NOD2: variants seen among roughly 807,000 people sequenced by gnomAD.
NOD2 encodes the protein nucleotide binding oligomerization domain containing 2.
In NOD2, 86 loss-of-function variants were observed where a neutral mutation model predicts 90.9. The ratio of observed to expected loss-of-function variants is 0.95; its 90% confidence interval spans 0.79 to 1.13. The LOEUF (loss-of-function observed/expected upper bound fraction) is 1.13. Among genes scored for constraint, NOD2 ranks in the 50% most tolerant of loss-of-function variants. The pLI, the probability that NOD2 is intolerant of heterozygous loss-of-function variation, is 0.00. For synonymous variants in NOD2, 581 were observed against 554.6 expected (o/e 1.05, Z -0.67); for missense variants, 1,238 against 1,283.8 (o/e 0.96, Z 0.55).
At chr16:50,700,102 CTT>C (rs1301863498) in intron 2 of NOD2, 148 bp downstream of exon 2, 3 of 705,144 alleles carry the variant, frequency 4.3e-6, no homozygotes, top group Non-Finnish European at 7.5e-6. Context: ...AAAATTTGCT[CTT>C]GACTCTTGGC....
At chr16:50,726,812 C>G (rs1022523581) in intron 10 of NOD2, among the ~76,000 whole-genome samples, 2 of 152,206 alleles carry the variant, frequency 1.3e-5, no homozygotes, top group African/African-American at 4.8e-5. Context: ...CTACATCTTT[C>G]TTTTCCAGGC....
intron 2 of NOD2, 92 bp from the exon 3 acceptor site, chr16:50,707,763 G>C (rs1199295775): frequency 1.1e-6 from 1 of 882,842 alleles, no homozygotes; most frequent in Non-Finnish European, 1.9e-6. Context: ...GGATGGAAGA[G>C]AGATGCTTAT....
Position 50,720,086 on chromosome 16 carries a change from T to G in NOD2, c.2633+78T>G, listed in dbSNP as rs371220165. 16 of 1,377,788 alleles carry G rather than the reference T, an allele frequency of 1.2e-5. No individual in the cohort carries two copies. The East Asian group carries it at 1.6e-4, about 14-fold the overall frequency. 85.3% of individuals were successfully genotyped at this position (1,377,788 alleles called of 1,614,324 possible). ...AGGATTTAGGGGCAGGTGAAACTCT[T>G]CAGCCAGGAGGCCCCAGAGGCAGCC... On this transcript the variant is annotated intron_variant, in intron 7 of 11. Coordinates refer to ENST00000647318, the MANE Select transcript of NOD2 (RefSeq NM_001370466.1).
rs375381162 is a variant in NOD2 at position 50,714,956 on chromosome 16, A to T, written c.2382-1631A>T. ...AAGTTTCACAAAATGACTTCGCTTT[A>T]TGAACTCTGAGACACTCTGCTCTCT... On this transcript the variant is annotated intron_variant, in intron 4 of 11. Coordinates refer to ENST00000647318, the MANE Select transcript of NOD2 (RefSeq NM_001370466.1). Among the ~76,000 whole-genome samples the T allele has an allele frequency of 2.6e-5, 4 of 152,308 alleles. No homozygotes were observed. In the East Asian group the frequency reaches 5.8e-4, roughly 22 times the overall value.
At chr16:50,727,726 G>T in intron 10 of NOD2, 1 of 357,736 alleles carries the variant, frequency 2.8e-6, no homozygotes, top group Non-Finnish European at 5.6e-6. Context: ...GTCGGGTGTT[G>T]TCGTGGAGAA....
rs375690589 is a variant in NOD2, at chr16:50,719,877, T to A, written c.2550-48T>A. On this transcript the variant is annotated intron_variant, in intron 6 of 11. Coordinates refer to ENST00000647318, the MANE Select transcript of NOD2 (RefSeq NM_001370466.1). ...GGCCAGGGCACAGACGGCCCTCCTT[T>A]TCTGCCTGCCGCTGTGTTCTCTCAG... 5.1e-6 allele frequency: 8 copies of A among 1,564,876 alleles called. No individual in the cohort carries two copies. In the African/African-American group the frequency reaches 9.5e-5, roughly 19 times the overall value.
At position 50,699,512 on chromosome 16, in the gene NOD2, C is replaced by A. The variant is rs762072566; in HGVS notation, c.17C>A (p.Ala6Asp). The A allele has an allele frequency of 2.2e-5, 36 of 1,613,644 alleles. No homozygotes were observed. Among genetic ancestry groups the A allele is most frequent in the Non-Finnish European group, 3.1e-5 (36 of 1,180,016 alleles). ...GGTTGTGAAATGTGCTCGCAGGAGG[C>A]TTTTCAGGCACAGAGGAGCCAGCTG... Reference protein sequence around the residue: MCSQEAFQAQRSQLVE... With the variant: MCSQEDFQAQRSQLVE... Residue 6 changes from alanine (A) to aspartate (D), a missense_variant, in exon 2 of 12, where the codon GCT (alanine) becomes GAT (aspartate). By Grantham distance (126) the Ala-to-Asp change is moderately radical (BLOSUM62 -2). Coordinates refer to ENST00000647318, the MANE Select transcript of NOD2 (RefSeq NM_001370466.1).
chr16:50,721,214 A>G lies in NOD2; in HGVS notation c.2633+1206A>G, dbSNP rs918085841. 5.2e-4 allele frequency among the ~76,000 whole-genome samples: 79 copies of G among 151,804 alleles called. 1 individual carries two copies. The highest frequency in any genetic ancestry group is 1.9e-3 in the African/African-American group (78 of 41,370). ...CTAGAACAAAGGAGGCCACAGCCCC[A>G]CTGAACTCTCTTCTGCTTGAGGTCA... On this transcript the variant is annotated intron_variant, in intron 7 of 11. Coordinates refer to ENST00000647318, the MANE Select transcript of NOD2 (RefSeq NM_001370466.1).
intron 1 of NOD2, among the ~76,000 whole-genome samples, chr16:50,695,079 C>T (rs547169715): frequency 5.9e-5 from 8 of 135,996 alleles, no homozygotes; most frequent in Admixed American, 3.3e-4. Flanking sequence ...GATGGGAGCA[C>T]GGGTTTGGAA....
At chr16:50,723,439 CCCTGG>C in intron 9 of NOD2, 55 bp downstream of exon 9, 1 of 1,514,590 alleles carries the variant, frequency 6.6e-7, no homozygotes, top group Non-Finnish European at 9.2e-7. Context: ...TCTGTTGATC[CCCTGG>C]CCTCATCCAT....
At chr16:50,703,863 T>A (rs1382925019) in intron 2 of NOD2, among the ~76,000 whole-genome samples, 1 of 152,108 alleles carries the variant, frequency 6.6e-6, no homozygotes, top group Non-Finnish European at 1.5e-5. Context: ...GGGGAAATAT[T>A]GGGCTCATTG....
Position 50,711,698 on chromosome 16 carries a change from C to G in NOD2, c.1706C>G (p.Thr569Arg). Residue 569 changes from threonine (T) to arginine (R), a missense_variant, in exon 4 of 12, where the codon ACG becomes AGG. Thr to Arg is a moderately conservative substitution (Grantham distance 71). This residue lies in a region of NOD2 where 667 missense variants were observed against 688.7 expected (regional missense o/e 0.97). Coordinates refer to ENST00000647318, the MANE Select transcript of NOD2 (RefSeq NM_001370466.1). ...GCCAAAGGTGTCGTGCCAGGGAGTA[C>G]GGCGCCCCTGGAATTCCTTCACATC... The part of the protein sequence containing the change: ...VRAKGVVPGS[T>R]APLEFLHITF... 6.2e-7 allele frequency: 1 copy of G among 1,613,770 alleles called. No individual in the cohort carries two copies. Among genetic ancestry groups the G allele is most frequent in the South Asian group, 1.1e-5 (1 of 91,046 alleles).
chr16:50,714,664 GAGAA>G (rs1361357139), intron 4 of NOD2, among the ~76,000 whole-genome samples: 3 of 151,658 alleles, frequency 2.0e-5, no homozygotes, highest in Non-Finnish European at 2.9e-5. Flanking sequence ...GAGAGAGATT[GAGAA>G]AGAGAGGAAG....
chr16:50,721,268 T>G (rs1222176522), intron 7 of NOD2, among the ~76,000 whole-genome samples: 1 of 151,454 alleles, frequency 6.6e-6, no homozygotes, highest in Non-Finnish European at 1.5e-5. Context: ...TATTTACCTC[T>G]TTCAACACAT....
rs557338840 is a variant in NOD2, at chr16:50,727,718, C to T, written c.2886-2100C>T. On this transcript the variant is annotated intron_variant, in intron 10 of 11. Coordinates refer to ENST00000647318, the MANE Select transcript of NOD2 (RefSeq NM_001370466.1). ...AAGCTTTGGTTGTGTGACATGCAGT[C>T]GGGTGTTGTCGTGGAGAATTGGACC... The T allele has an allele frequency of 1.0e-4, 36 of 351,090 alleles. 1 individual carries two copies. Among genetic ancestry groups the T allele is most frequent in the South Asian group, 7.3e-4 (31 of 42,422 alleles). 21.7% of individuals were successfully genotyped at this position (351,090 alleles called of 1,614,324 possible).
At chr16:50,703,361 TG>T (rs1964024633) in intron 2 of NOD2, among the ~76,000 whole-genome samples, 1 of 152,190 alleles carries the variant, frequency 6.6e-6, no homozygotes, top group Admixed American at 6.5e-5. Flanking sequence ...TAAATTAGGC[TG>T]GGTGCAGTGG....
chr16:50,704,430 C>A (rs960402672), intron 2 of NOD2, among the ~76,000 whole-genome samples: 6 of 152,144 alleles, frequency 3.9e-5, no homozygotes, highest in Non-Finnish European at 8.8e-5. Context: ...GATAGTTTGG[C>A]TGGGTATAAA....
At chr16:50,704,803 C>T (rs983088832) in intron 2 of NOD2, among the ~76,000 whole-genome samples, 4 of 152,212 alleles carry the variant, frequency 2.6e-5, no homozygotes, top group African/African-American at 9.7e-5. Context: ...AAGGCGTGAG[C>T]CACCACACCC....
intron 7 of NOD2, among the ~76,000 whole-genome samples, chr16:50,720,812 T>C (rs566947770): frequency 6.6e-6 from 1 of 150,632 alleles, no homozygotes; most frequent in South Asian, 2.1e-4. Flanking sequence ...TTGTTTTGTT[T>C]TGTTTTGTTT....
Sources: allele counts gnomAD v4.1 joint callset (sites outside exome capture counted in the v4.1 genomes callset), GRCh38; gene constraint gnomAD v4.1.1; regional missense constraint gnomAD v4.1.1; transcripts MANE v1.5; gene names NCBI Gene and HGNC (gene_info 2026-07-23, HGNC 2026-07-21).